FAM222A: variants seen among roughly 807,000 people sequenced by gnomAD.
FAM222A encodes family with sequence similarity 222 member A.
Under a neutral mutation model 25.8 loss-of-function variants are expected in FAM222A, and 7 were observed. The ratio of observed to expected loss-of-function variants is 0.27; its 90% CI spans 0.15 to 0.51. FAM222A has a LOEUF of 0.51. Among genes scored for constraint, FAM222A ranks in the 20% least tolerant of loss-of-function variants. The pLI, the probability that FAM222A is intolerant of heterozygous loss-of-function variation, is 0.97. For missense variants in FAM222A, 573 were observed against 640.5 expected, an observed-to-expected ratio of 0.89 and a Z score of 1.14; for synonymous variants, 294 against 298.8, an observed-to-expected ratio of 0.98 and a Z score of 0.17.
chr12:109,740,771 C>T (rs1888217936), intron 1 of FAM222A, among the ~76,000 whole-genome samples: 1 of 152,198 alleles, frequency 6.6e-6, no homozygotes, highest in South Asian at 2.1e-4. Context: ...ACAAATAAGA[C>T]ACGGTCCCTA....
intron 2 of FAM222A, among the ~76,000 whole-genome samples, chr12:109,755,093 T>C (rs1888681369): frequency 6.6e-6 from 1 of 152,204 alleles, no homozygotes; most frequent in Non-Finnish European, 1.5e-5. Flanking sequence ...TCTGGAGTTG[T>C]CTTCACTTTC....
At chr12:109,748,601 GTAAA>G (rs1888473592) in intron 2 of FAM222A, among the ~76,000 whole-genome samples, 1 of 151,926 alleles carries the variant, frequency 6.6e-6, no homozygotes, top group Non-Finnish European at 1.5e-5. Context: ...AATGACTTCG[GTAAA>G]TTATGTTTCT....
At chr12:109,766,795 C>T (rs575822876) in intron 2 of FAM222A, among the ~76,000 whole-genome samples, 39 of 152,192 alleles carry the variant, frequency 2.6e-4, no homozygotes, top group African/African-American at 8.4e-4. Context: ...CATTTTCTCC[C>T]GAAGCCGGGC....
chr12:109,733,801 G>A (rs1888007403), intron 1 of FAM222A, among the ~76,000 whole-genome samples: 1 of 152,204 alleles, frequency 6.6e-6, no homozygotes, highest in South Asian at 2.1e-4. Flanking sequence ...GACAGGGTTG[G>A]CTTGTGAGAG....
intron 2 of FAM222A, among the ~76,000 whole-genome samples, chr12:109,765,928 A>G (rs571134051): frequency 4.6e-5 from 7 of 152,300 alleles, no homozygotes; most frequent in South Asian, 2.1e-4. Context: ...TCTACCGCAC[A>G]TGACCCGTCA....
chr12:109,730,602 G>T (rs192085630), intron 1 of FAM222A, among the ~76,000 whole-genome samples: 2 of 152,252 alleles, frequency 1.3e-5, no homozygotes, highest in Middle Eastern at 6.8e-3. Flanking sequence ...CTCTTCTCTG[G>T]GCCCCCTGAA....
At chr12:109,763,645 G>C (rs115163748) in intron 2 of FAM222A, among the ~76,000 whole-genome samples, 3 of 152,214 alleles carry the variant, frequency 2.0e-5, no homozygotes. Context: ...CTGAGAGAGC[G>C]AGTGAGGAGG....
chr12:109,718,772 G>A (rs1217090877), intron 1 of FAM222A, among the ~76,000 whole-genome samples: 1 of 152,232 alleles, frequency 6.6e-6, no homozygotes, highest in East Asian at 1.9e-4. Flanking sequence ...TATCTCAGAA[G>A]GATGTCGACT....
intron 1 of FAM222A, among the ~76,000 whole-genome samples, chr12:109,719,760 GAGATT>G (rs1887714375): frequency 6.6e-6 from 1 of 152,138 alleles, no homozygotes; most frequent in South Asian, 2.1e-4. Context: ...AGGTGAAAGG[GAGATT>G]AGGAGGGTGT....
At chr12:109,734,612 AGAAAG>A (rs1220325528) in intron 1 of FAM222A, 52 of 143,240 alleles carry the variant, frequency 3.6e-4, no homozygotes, top group Non-Finnish European at 2.0e-4. Flanking sequence ...AAAAAAAAAA[AGAAAG>A]AAAGAAAAAC....
At chr12:109,732,580 C>T (rs991777054) in intron 1 of FAM222A, among the ~76,000 whole-genome samples, 20 of 152,254 alleles carry the variant, frequency 1.3e-4, no homozygotes, top group Admixed American at 8.5e-4. Flanking sequence ...TCGGGCCCGT[C>T]GCTGATTCAA....
chr12:109,759,231 G>T (rs1888819104), intron 2 of FAM222A, among the ~76,000 whole-genome samples: 1 of 152,162 alleles, frequency 6.6e-6, no homozygotes, highest in East Asian at 1.9e-4. Flanking sequence ...TGTCAAATGG[G>T]GGCAGCCCCA....
intron 1 of FAM222A, chr12:109,742,119 A>G (rs1226415227): frequency 6.6e-6 from 1 of 152,328 alleles, no homozygotes; most frequent in Non-Finnish European, 1.5e-5. Flanking sequence ...CAGATTGCAC[A>G]TGATTGTGAG....
At chr12:109,744,378 C>G in intron 2 of FAM222A, 150 bp downstream of exon 2, 1 of 1,418,948 alleles carries the variant, frequency 7.0e-7, no homozygotes, top group Non-Finnish European at 9.2e-7. Flanking sequence ...TGCTGCCTTC[C>G]TGGTCTCCAT....
At chr12:109,715,253 G>A (rs1887621447) in intron 1 of FAM222A, among the ~76,000 whole-genome samples, 1 of 152,206 alleles carries the variant, frequency 6.6e-6, no homozygotes, top group Non-Finnish European at 1.5e-5. Context: ...ATGGGAAAAC[G>A]TTGAGGGTCT....
rs550094496 is a variant in FAM222A at position 109,768,830 on chromosome 12, C to T, written c.901C>T (p.Arg301Cys). The T allele has an allele frequency of 1.0e-4, 159 of 1,578,722 alleles. 1 individual carries two copies. The East Asian group carries it at 3.0e-3, about 30-fold the overall frequency. The change falls in exon 3 of 3, where the codon CGT (arginine) becomes TGT (cysteine). Residue 301 changes from arginine (R) to cysteine (C), a missense_variant. Physicochemically the swap from Arg to Cys is radical, Grantham distance 180 (BLOSUM62 -3). Around this residue, in one of 3 missense-constraint regions of FAM222A, gnomAD observed 412 missense variants for 407.0 expected, o/e 1.01. Transcript: ENST00000538780. Reference protein sequence around the residue: ...KPPPPPPQPLRAYSGSTVASK... With the variant: ...KPPPPPPQPLCAYSGSTVASK... ...GCCCCCACCGCCGCCCCAGCCACTG[C>T]GTGCCTACAGTGGGAGCACGGTGGC...
intron 2 of FAM222A, 106 bp downstream of exon 2, chr12:109,744,334 G>T (rs1888331963): frequency 1.4e-6 from 2 of 1,462,698 alleles, no homozygotes; most frequent in Non-Finnish European, 1.8e-6. Context: ...AAGTCTCTAT[G>T]CTCTCTTAGG....
intron 1 of FAM222A, chr12:109,743,853 G>A (rs558248232): frequency 1.0e-6 from 1 of 985,398 alleles, no homozygotes; most frequent in Non-Finnish European, 1.2e-6. Context: ...GCAGGGCCGG[G>A]GCATGTGTGA....
intron 1 of FAM222A, among the ~76,000 whole-genome samples, chr12:109,722,240 G>T (rs938895744): frequency 6.6e-6 from 1 of 152,226 alleles, no homozygotes; most frequent in African/African-American, 2.4e-5. Flanking sequence ...AATGTGGAGA[G>T]AGAGGACTGT....
Sources: gnomAD v4.1 joint callset for allele counts (sites outside exome capture counted in the v4.1 genomes callset) on GRCh38, gnomAD v4.1.1 for gene constraint, gnomAD v4.1.1 regional missense constraint, MANE v1.5 for transcripts, NCBI Gene and HGNC (gene_info 2026-07-23, HGNC 2026-07-21) for gene names.